MFAP5: variants seen among roughly 807,000 people sequenced by gnomAD.
MFAP5 encodes the protein microfibrillar-associated protein 5.
MFAP5 carries 19 observed loss-of-function variants against 30.1 expected under a neutral mutation model. That is an observed-to-expected ratio of 0.63 (90% CI 0.44 to 0.93). The LOEUF (loss-of-function observed/expected upper bound fraction) is 0.93. Ranked by LOEUF, MFAP5 falls within the 40% of genes least tolerant of loss-of-function variation. The pLI, the probability that MFAP5 is intolerant of heterozygous loss-of-function variation, is 0.00. For missense variants in MFAP5, 210 were observed against 221.3 expected, an observed-to-expected ratio of 0.95 and a Z score of 0.32; for synonymous variants, 92 against 72.9, an observed-to-expected ratio of 1.26 and a Z score of -1.33.
chr12:8,649,645 T>A, intron 8 of MFAP5, 71 bp from the exon 9 acceptor site: 2 of 1,213,134 alleles, frequency 1.6e-6, no homozygotes, highest in Admixed American at 3.4e-5. Flanking sequence ...CTCACCTGGG[T>A]CTGGGATGCC....
chr12:8,653,939 A>G (rs906843540), intron 6 of MFAP5, among the ~76,000 whole-genome samples: 7 of 152,134 alleles, frequency 4.6e-5, no homozygotes, highest in Non-Finnish European at 1.0e-4. Context: ...TGCCTGGCCA[A>G]CGTGGCGAAA....
chr12:8,655,459 C>A lies in MFAP5; in HGVS notation c.140-12G>T. ...ATCATTCACCAGATCTGCAAAGACA[C>A]ATAACAAGGAATGAAAAAATGCAGT... On this transcript the variant is annotated splice_polypyrimidine_tract_variant and intron_variant, in intron 4 of 9. Transcript: ENST00000359478. The A allele has an allele frequency of 6.2e-7, 1 of 1,603,030 alleles. No homozygotes were observed. The highest frequency in any genetic ancestry group is 8.5e-7 in the Non-Finnish European group (1 of 1,175,566).
intron 3 of MFAP5, among the ~76,000 whole-genome samples, chr12:8,660,011 G>A (rs1942102567): frequency 1.3e-5 from 2 of 152,066 alleles, no homozygotes; most frequent in Admixed American, 6.6e-5. Flanking sequence ...GCAGAATGGA[G>A]TTTTCTTCAT....
intron 6 of MFAP5, 22 bp downstream of exon 6, chr12:8,654,415 G>A (rs1413854601): frequency 1.9e-6 from 3 of 1,589,034 alleles, no homozygotes; most frequent in Non-Finnish European, 2.6e-6. Context: ...TGATGACCTG[G>A]GGGTCCCAGA....
chr12:8,662,418 G>A (rs1015889682), intron 1 of MFAP5: 5 of 277,394 alleles, frequency 1.8e-5, no homozygotes, highest in African/African-American at 1.1e-4. Flanking sequence ...CCCCTGATGT[G>A]GAATCTTCCT....
intron 8 of MFAP5, 160 bp downstream of exon 8, chr12:8,650,342 C>G (rs1941799328): frequency 7.7e-6 from 5 of 652,534 alleles, no homozygotes; most frequent in Non-Finnish European, 1.4e-5. Context: ...AGCCCATACT[C>G]CAGGTTCTAG....
At chr12:8,656,817 G>T (rs896405702) in intron 3 of MFAP5, among the ~76,000 whole-genome samples, 2 of 151,576 alleles carry the variant, frequency 1.3e-5, no homozygotes, top group Admixed American at 6.6e-5. Flanking sequence ...ACAGGCGCCC[G>T]CCACCACACC....
intron 2 of MFAP5, 55 bp downstream of exon 2, chr12:8,661,992 A>C: frequency 2.7e-6 from 4 of 1,485,550 alleles, no homozygotes; most frequent in Non-Finnish European, 2.8e-6. Flanking sequence ...CTCCTGCCAC[A>C]CACGTGTATA....
At chr12:8,654,135 A>C (rs1941917455) in intron 6 of MFAP5, 2 of 263,314 alleles carry the variant, frequency 7.6e-6, no homozygotes, top group Non-Finnish European at 1.4e-5. Flanking sequence ...TCAAAAAAAA[A>C]AAAAAAAAAA....
intron 4 of MFAP5, 66 bp from the exon 5 acceptor site, chr12:8,655,513 A>G: frequency 1.3e-6 from 2 of 1,509,526 alleles, no homozygotes; most frequent in Non-Finnish European, 1.8e-6. Context: ...AAAGCAGGAT[A>G]AGGGGACGAT....
intron 9 of MFAP5, among the ~76,000 whole-genome samples, chr12:8,648,906 C>T (rs1941756350): frequency 6.6e-6 from 1 of 152,236 alleles, no homozygotes; most frequent in African/African-American, 2.4e-5. Context: ...CATGTATGGT[C>T]TACAACCACA....
chr12:8,647,050 T>C lies in MFAP5; in HGVS notation c.*1041A>G, dbSNP rs1056466718. On this transcript the variant is annotated 3_prime_UTR_variant, in exon 10 of 10. Coordinates refer to ENST00000359478, the MANE Select transcript of MFAP5 (RefSeq NM_003480.4). ...GTTACTGCTAGAGCCAGGATAAGAATGTGGGTTGTCTGAATATTGTGTTTC... is the reference window on the plus strand; with the variant it reads ...GTTACTGCTAGAGCCAGGATAAGAACGTGGGTTGTCTGAATATTGTGTTTC... 6.6e-6 allele frequency: 1 copy of C among 152,228 alleles called. No homozygotes were observed. The highest frequency in any genetic ancestry group is 2.4e-5 in the African/African-American group (1 of 41,456). 9.4% of individuals were successfully genotyped at this position (152,228 alleles called of 1,614,324 possible).
At position 8,647,230 on chromosome 12, in the gene MFAP5, A is replaced by G. The variant is rs1941704109; in HGVS notation, c.*861T>C. 6.6e-6 allele frequency: 1 copy of G among 152,268 alleles called. No individual in the cohort carries two copies. Among genetic ancestry groups the G allele is most frequent in the African/African-American group, 2.4e-5 (1 of 41,470 alleles). 9.4% of individuals were successfully genotyped at this position (152,268 alleles called of 1,614,324 possible). A position where few individuals can be genotyped will look rare whatever the true frequency, so the allele number is the denominator to read the frequency against. On this transcript the variant is annotated 3_prime_UTR_variant, in exon 10 of 10. Transcript: ENST00000359478. ...GTTAAGTTGTGAAGATGAACGAAGT[A>G]GCAACTCAAGGAAACGTCAACCAAT...
intron 5 of MFAP5, among the ~76,000 whole-genome samples, chr12:8,654,906 A>C (rs1233693908): frequency 6.7e-6 from 1 of 149,272 alleles, no homozygotes; most frequent in Non-Finnish European, 1.5e-5. Flanking sequence ...GTGCTGCTGC[A>C]CTCTAGCCTG....
chr12:8,651,828 T>A (rs1941847163), intron 6 of MFAP5, 137 bp from the exon 7 acceptor site: 1 of 770,066 alleles, frequency 1.3e-6, no homozygotes, highest in South Asian at 1.6e-5. Flanking sequence ...CTTAGCAACT[T>A]CTAAAAGAAA....
At chr12:8,651,634 T>A in intron 7 of MFAP5, 28 bp downstream of exon 7, 2 of 1,612,298 alleles carry the variant, frequency 1.2e-6, no homozygotes. Flanking sequence ...AAAAAAGGCT[T>A]AAGAAGGCAT....
chr12:8,652,153 A>G (rs2136464414), intron 6 of MFAP5, among the ~76,000 whole-genome samples: 1 of 152,278 alleles, frequency 6.6e-6, no homozygotes, highest in East Asian at 1.9e-4. Context: ...GGTAAAGAAT[A>G]ATGAGGGTCA....
At chr12:8,648,463 A>G in intron 9 of MFAP5, 1 of 1,168,560 alleles carries the variant, frequency 8.6e-7, no homozygotes, top group Non-Finnish European at 1.1e-6. Flanking sequence ...TGAGTATTAA[A>G]ATGAAATCAT....
At position 8,653,195 on chromosome 12, in the gene MFAP5, AAAAAAAAAAAAAG is replaced by A. The variant is rs896205030; in HGVS notation, c.217+1229_217+1241del. 1.7e-4 allele frequency among the ~76,000 whole-genome samples: 25 copies of A among 149,738 alleles called. 1 individual carries two copies. Among genetic ancestry groups the A allele is most frequent in the Non-Finnish European group, 3.1e-4 (21 of 67,194 alleles). ...CAACAAGACCAAGACTCTGTGTCAA[AAAAAAAAAAAAAG>A]AAAAAAGAAAAAGAAAACTGGATGT... is the stretch of plus-strand genomic sequence containing the variant. On this transcript the variant is annotated intron_variant, in intron 6 of 9. Transcript: ENST00000359478.
Sources: allele counts gnomAD v4.1 joint callset (sites outside exome capture counted in the v4.1 genomes callset), GRCh38; gene constraint gnomAD v4.1.1; transcripts MANE v1.5; gene names NCBI Gene and HGNC (gene_info 2026-07-23, HGNC 2026-07-21).